The following ASCC1 variants were observed in gnomAD, a reference collection of about 807,000 sequenced individuals.
ASCC1 encodes the protein activating signal cointegrator 1 complex subunit 1.
ASCC1 carries 35 observed loss-of-function variants against 46.6 expected under a neutral mutation model. The ratio of observed to expected loss-of-function variants is 0.75; its 90% CI spans 0.57 to 0.99. The LOEUF (loss-of-function observed/expected upper bound fraction) is 0.99. Ranked by LOEUF, ASCC1 falls within the 50% of genes least tolerant of loss-of-function variation. The pLI is 0.00. For missense variants in ASCC1, 376 were observed against 428.7 expected (o/e 0.88, Z 1.09); for synonymous variants, 143 against 146.6 (o/e 0.98, Z 0.18).
intron 9 of ASCC1, among the ~76,000 whole-genome samples, chr10:72,108,419 G>C (rs1475579322): frequency 6.6e-6 from 1 of 152,098 alleles, no homozygotes; most frequent in African/African-American, 2.4e-5. Flanking sequence ...AAGCTGTACA[G>C]AAAAGAAAAC....
chr10:72,169,812 G>A (rs1035545919), intron 5 of ASCC1, among the ~76,000 whole-genome samples: 1 of 152,114 alleles, frequency 6.6e-6, no homozygotes, highest in African/African-American at 2.4e-5. Context: ...CACTAGAGGG[G>A]GTTAAGAAAG....
intron 5 of ASCC1, among the ~76,000 whole-genome samples, chr10:72,175,682 C>G (rs575996294): frequency 2.0e-5 from 3 of 152,238 alleles, no homozygotes; most frequent in African/African-American, 7.2e-5. Context: ...AGATCTTTAC[C>G]CATTAAAGAG....
intron 5 of ASCC1, among the ~76,000 whole-genome samples, chr10:72,185,860 C>T (rs1361951239): frequency 6.6e-6 from 1 of 152,042 alleles, no homozygotes; most frequent in South Asian, 2.1e-4. Context: ...ATGGAAAAAA[C>T]TATGAAAAAA....
Position 72,109,549 on chromosome 10 carries a change from C to T in ASCC1, c.958-12099G>A, listed in dbSNP as rs193198325. Among the ~76,000 whole-genome samples, 6 of 152,280 alleles carry T rather than the reference C, an allele frequency of 3.9e-5. No homozygotes were observed. In the East Asian group the frequency reaches 5.8e-4, roughly 15 times the overall value. On this transcript the variant is annotated intron_variant, in intron 9 of 9. Coordinates refer to ENST00000672957, the MANE Select transcript of ASCC1 (RefSeq NM_001198800.3). ...GACAAACAGAGCCAGGGAGGGAAGGCTTGAAAACTTCCTTCAAATAATCAC... is the reference window on the plus strand; with the variant it reads ...GACAAACAGAGCCAGGGAGGGAAGGTTTGAAAACTTCCTTCAAATAATCAC...
chr10:72,204,379 C>A, intron 3 of ASCC1: 2 of 1,549,794 alleles, frequency 1.3e-6, no homozygotes, highest in Non-Finnish European at 1.7e-6. Context: ...CAATCCCCAT[C>A]ACTCCCACTT....
intron 6 of ASCC1, among the ~76,000 whole-genome samples, chr10:72,158,088 G>A (rs1017087845): frequency 6.6e-6 from 1 of 152,166 alleles, no homozygotes; most frequent in African/African-American, 2.4e-5. Context: ...AGGATCCAAA[G>A]CCTGCTTTAT....
chr10:72,210,881 C>A (rs1180559126), intron 2 of ASCC1, 50 bp from the exon 3 acceptor site: 3 of 1,576,202 alleles, frequency 1.9e-6, no homozygotes, highest in East Asian at 4.5e-5. Flanking sequence ...GCTCTGTGGA[C>A]AACAGCTTTC....
chr10:72,097,830 T>G (rs900307337), intron 9 of ASCC1, among the ~76,000 whole-genome samples: 3 of 152,238 alleles, frequency 2.0e-5, no homozygotes, highest in Non-Finnish European at 4.4e-5. Flanking sequence ...TGACTGACCA[T>G]GCAGGGATCT....
At chr10:72,198,626 A>G (rs1415138678) in intron 4 of ASCC1, 1 of 455,868 alleles carries the variant, frequency 2.2e-6, no homozygotes, top group Admixed American at 2.4e-5. Context: ...CCTTGTCTAG[A>G]GGATTAAAAG....
intron 4 of ASCC1, among the ~76,000 whole-genome samples, chr10:72,200,319 CT>C (rs1376219290): frequency 2.0e-5 from 3 of 152,152 alleles, no homozygotes; most frequent in African/African-American, 4.8e-5. Flanking sequence ...TTTCTGCAAG[CT>C]TTCTCTTTTT....
intron 5 of ASCC1, 86 bp downstream of exon 5, chr10:72,196,725 C>A: frequency 7.4e-7 from 1 of 1,348,556 alleles, no homozygotes; most frequent in Non-Finnish European, 1.0e-6. Flanking sequence ...AAGTTTATAA[C>A]TCCCTACTGT....
In ASCC1 at chr10:72,213,152, T is replaced by C. The variant is rs757641417; in HGVS notation, c.112+35A>G. Reference sequence around the variant, plus strand: ...TGATCCTACAATACACAGGACATTTTACTTCTTATCTGACCAAAGAGCAAC... The same window carrying C: ...TGATCCTACAATACACAGGACATTTCACTTCTTATCTGACCAAAGAGCAAC... On this transcript the variant is annotated intron_variant, in intron 2 of 9. Transcript: ENST00000672957. 7 of 1,431,418 alleles carry C rather than the reference T, an allele frequency of 4.9e-6. No homozygotes were observed. In the Admixed American group the frequency reaches 1.0e-4, roughly 21 times the overall value. The allele number at this position is 1,431,418 out of a possible 1,614,324, so 88.7% of individuals were successfully genotyped here.
In ASCC1 at chr10:72,194,087, T is replaced by C. The variant is rs991854382; in HGVS notation, c.489+2724A>G. 5.9e-5 allele frequency among the ~76,000 whole-genome samples: 9 copies of C among 151,748 alleles called. No individual in the cohort carries two copies. The South Asian group carries it at 6.2e-4, about 11-fold the overall frequency. On this transcript the variant is annotated intron_variant, in intron 5 of 9. Transcript: ENST00000672957. Reference sequence around the variant, plus strand: ...TCAATCTAGAGACGGGGTTTCACCATGTTAGCCAGGATGGTCTTCATCTCC... The same window carrying C: ...TCAATCTAGAGACGGGGTTTCACCACGTTAGCCAGGATGGTCTTCATCTCC...
intron 9 of ASCC1, among the ~76,000 whole-genome samples, chr10:72,100,792 T>C (rs1054871487): frequency 2.6e-5 from 4 of 152,184 alleles, no homozygotes; most frequent in African/African-American, 2.4e-5. Flanking sequence ...CCTACTGTAC[T>C]GTAACATTAT....
At chr10:72,150,979 C>T (rs184867817) in intron 7 of ASCC1, among the ~76,000 whole-genome samples, 106 of 152,272 alleles carry the variant, frequency 7.0e-4, no homozygotes, top group African/African-American at 2.2e-3. Flanking sequence ...GAAATAGGAA[C>T]GCTTTTACAC....
chr10:72,111,205 A>C (rs1024955085), intron 9 of ASCC1, among the ~76,000 whole-genome samples: 3 of 152,086 alleles, frequency 2.0e-5, no homozygotes, highest in Non-Finnish European at 4.4e-5. Flanking sequence ...AATTGGTATC[A>C]GGCCAGGCGT....
chr10:72,195,402 G>A (rs1222966748), intron 5 of ASCC1, among the ~76,000 whole-genome samples: 3 of 151,800 alleles, frequency 2.0e-5, no homozygotes, highest in Middle Eastern at 3.2e-3. Flanking sequence ...ACCTGCCTCA[G>A]CCCTCCACAA....
chr10:72,161,808 T>C (rs1160755160), intron 5 of ASCC1, 134 bp from the exon 6 acceptor site: 1 of 940,406 alleles, frequency 1.1e-6, no homozygotes, highest in Non-Finnish European at 1.7e-6. Context: ...GACCATTCAA[T>C]AGAGAAAGTC....
intron 6 of ASCC1, chr10:72,158,934 T>C (rs1849306429): frequency 6.6e-6 from 1 of 152,260 alleles, no homozygotes; most frequent in Non-Finnish European, 1.5e-5. Context: ...TCCAATTTAC[T>C]GATTTACTTA....
Sources: allele counts gnomAD v4.1 joint callset (sites outside exome capture counted in the v4.1 genomes callset), GRCh38; gene constraint gnomAD v4.1.1; transcripts MANE v1.5; gene names NCBI Gene and HGNC (gene_info 2026-07-23, HGNC 2026-07-21).